The following ERMARD variants were observed in gnomAD, a reference collection of about 807,000 sequenced individuals.
ERMARD encodes ER membrane associated RNA degradation.
Under a neutral mutation model 83.9 loss-of-function variants are expected in ERMARD, and 71 were observed. The ratio of observed to expected loss-of-function variants is 0.85; its 90% confidence interval spans 0.70 to 1.03. ERMARD has a LOEUF of 1.03. Ranked by LOEUF, ERMARD falls within the 50% of genes least tolerant of loss-of-function variation. The pLI is 0.00. For missense variants in ERMARD, 838 were observed against 810.9 expected, an observed-to-expected ratio of 1.03 and a Z score of -0.41; for synonymous variants, 284 against 298.6, an observed-to-expected ratio of 0.95 and a Z score of 0.50.
chr6:169,772,564 G>A (rs557405782), intron 12 of ERMARD, among the ~76,000 whole-genome samples: 4 of 152,104 alleles, frequency 2.6e-5, no homozygotes, highest in African/African-American at 4.8e-5. Context: ...TCAGGAGTTC[G>A]AGACCAGCAT....
chr6:169,760,736 G>A lies in ERMARD; in HGVS notation c.837G>A (p.Leu279=), dbSNP rs776646256. The A allele has an allele frequency of 9.9e-6, 16 of 1,613,500 alleles. No homozygotes were observed. In the Admixed American group the frequency reaches 2.5e-4, roughly 25 times the overall value. The change falls in exon 8 of 18, where the codon CTG becomes CTA. Residue 279 remains leucine, a synonymous_variant. Transcript: ENST00000366773. ...TGTTACCATATTGGGAAGTTGCACT[G>A]GTCAAGTTCAAGTCACACAGGTAAC... is the stretch of plus-strand genomic sequence containing the variant. ...KIMLPYWEVA[L]VKFKSHRFAD...
At position 169,781,325 on chromosome 6, in the gene ERMARD, T is replaced by G; in HGVS notation, c.1854-5T>G. On this transcript the variant is annotated splice_region_variant and splice_polypyrimidine_tract_variant and intron_variant, in intron 17 of 17. Coordinates refer to ENST00000366773, the MANE Select transcript of ERMARD (RefSeq NM_018341.3). ...TGGATAAAGAAATTAATTTTTTTTT[T>G]ACAGGTTTGTAAAGTCGATCTTGCA... The G allele has an allele frequency of 6.3e-7, 1 of 1,584,410 alleles. No individual in the cohort carries two copies.
Position 169,775,318 on chromosome 6 carries a change from C to G in ERMARD, c.1366C>G (p.Pro456Ala). Residue 456 changes from proline to alanine, a missense_variant, in exon 14 of 18, where the codon CCC becomes GCC. Physicochemically the swap from Pro to Ala is conservative, Grantham distance 27. Transcript: ENST00000366773. ...SIRVWALLPF[P>A]EELTRQAVRL... ...CAGGGTTTGGGCTCTGCTGCCTTTCCCCGAAGAACTCACTCGGCAAGCCGT... is the reference window on the plus strand; with the variant it reads ...CAGGGTTTGGGCTCTGCTGCCTTTCGCCGAAGAACTCACTCGGCAAGCCGT... The G allele has an allele frequency of 1.9e-6, 3 of 1,614,176 alleles. No homozygotes were observed. Among genetic ancestry groups the G allele is most frequent in the Non-Finnish European group, 2.5e-6 (3 of 1,180,000 alleles).
chr6:169,768,325 G>T (rs528007394), intron 11 of ERMARD, among the ~76,000 whole-genome samples, 154 bp downstream of exon 11: 1 of 152,338 alleles, frequency 6.6e-6, no homozygotes, highest in African/African-American at 2.4e-5. Context: ...CCAATCAGCT[G>T]ATGTTTGCCA....
At chr6:169,766,563 T>C in intron 9 of ERMARD, 75 bp from the exon 10 acceptor site, 1 of 1,276,412 alleles carries the variant, frequency 7.8e-7, no homozygotes, top group Non-Finnish European at 1.1e-6. Context: ...CCAGAATTTT[T>C]TCTTATTTTG....
At chr6:169,762,197 C>T (rs190739227) in intron 8 of ERMARD, among the ~76,000 whole-genome samples, 341 of 152,102 alleles carry the variant, frequency 2.2e-3, no homozygotes, top group African/African-American at 7.6e-3. Context: ...GCAATCCTCC[C>T]GCCTCAGCCT....
intron 1 of ERMARD, chr6:169,753,033 CA>C (rs1327198917): frequency 6.6e-6 from 1 of 152,186 alleles, no homozygotes; most frequent in African/African-American, 2.4e-5. Flanking sequence ...CCATCTTCAA[CA>C]AAGAACTGTA....
chr6:169,756,601 G>A, intron 4 of ERMARD, 118 bp from the exon 5 acceptor site: 1 of 977,768 alleles, frequency 1.0e-6, no homozygotes, highest in Non-Finnish European at 1.5e-6. Context: ...GAAATCAAAG[G>A]ATTGGTGTCT....
At chr6:169,775,443 G>A (rs1284421364) in intron 14 of ERMARD, 97 bp downstream of exon 14, 3 of 1,363,934 alleles carry the variant, frequency 2.2e-6, no homozygotes, top group Admixed American at 1.9e-5. Context: ...GAAGATAAAA[G>A]GGGAAGGAGG....
intron 10 of ERMARD, chr6:169,767,655 A>G (rs1336416110): frequency 5.5e-6 from 1 of 180,916 alleles, no homozygotes; most frequent in Middle Eastern, 2.5e-3. Flanking sequence ...GCATACACAT[A>G]CTCTAATGTG....
chr6:169,769,247 A>C (rs1562338063), intron 11 of ERMARD, among the ~76,000 whole-genome samples: 1 of 152,194 alleles, frequency 6.6e-6, no homozygotes, highest in African/African-American at 2.4e-5. Context: ...TGCCTTGGAA[A>C]AGCTCATTTG....
chr6:169,756,124 G>A (rs1369292892), intron 3 of ERMARD, among the ~76,000 whole-genome samples: 2 of 152,076 alleles, frequency 1.3e-5, no homozygotes, highest in East Asian at 3.8e-4. Flanking sequence ...TTCAATAAAC[G>A]TTTAAATAAA....
In ERMARD at chr6:169,776,496, C is replaced by T. The variant is rs150260092; in HGVS notation, c.1562C>T (p.Pro521Leu). ...LLRELCSTPV[P>L]TLFCPRIVLE... Reference sequence around the variant, plus strand: ...CGTGAGCTCTGCAGCACACCTGTTCCCACCCTGTTCTGCCCCAGGATTGTG... The same window carrying T: ...CGTGAGCTCTGCAGCACACCTGTTCTCACCCTGTTCTGCCCCAGGATTGTG... The change falls in exon 16 of 18, where the codon CCC (proline) becomes CTC (leucine). Residue 521 changes from proline (P) to leucine (L), a missense_variant. Pro to Leu is a moderately conservative substitution (Grantham distance 98, BLOSUM62 -3). Coordinates refer to ENST00000366773, the MANE Select transcript of ERMARD (RefSeq NM_018341.3). 9.9e-6 allele frequency: 16 copies of T among 1,614,046 alleles called. No homozygotes were observed. The highest frequency in any genetic ancestry group is 1.4e-5 in the Non-Finnish European group (16 of 1,180,046).
chr6:169,764,202 C>A (rs1377000553), intron 9 of ERMARD, among the ~76,000 whole-genome samples: 1 of 152,004 alleles, frequency 6.6e-6, no homozygotes, highest in African/African-American at 2.4e-5. Flanking sequence ...TCTCACGATT[C>A]TTCCTCCTTC....
chr6:169,759,136 A>G, intron 6 of ERMARD, 71 bp downstream of exon 6: 1 of 1,294,462 alleles, frequency 7.7e-7, no homozygotes, highest in Non-Finnish European at 1.1e-6. Flanking sequence ...TTTGAATTTC[A>G]TGAGAAGGAA....
At chr6:169,779,340 C>A in intron 17 of ERMARD, 45 bp downstream of exon 17, 2 of 1,549,496 alleles carry the variant, frequency 1.3e-6, no homozygotes, top group Non-Finnish European at 1.8e-6. Context: ...CATCGTGGGG[C>A]AGATTGCGGG....
rs746522776 is a variant in ERMARD at position 169,759,855 on chromosome 6, T to G, written c.623T>G (p.Ile208Arg). 1.2e-6 allele frequency: 2 copies of G among 1,614,216 alleles called. No individual in the cohort carries two copies. The highest frequency in any genetic ancestry group is 3.3e-5 in the Admixed American group (2 of 60,028). The change falls in exon 7 of 18, where the codon ATA becomes AGA. Residue 208 changes from isoleucine to arginine, a missense_variant. By Grantham distance (97) the Ile-to-Arg change is moderately conservative. Transcript: ENST00000366773. ...TTTCCTAGATACTGTTCAATGATGATACTGTTGACGGCAGGATTGGGTCAG... is the reference window on the plus strand; with the variant it reads ...TTTCCTAGATACTGTTCAATGATGAGACTGTTGACGGCAGGATTGGGTCAG... Reference protein sequence around the residue: ...EIPPKYCSMMILLTAGLGQLL... With the variant: ...EIPPKYCSMMRLLTAGLGQLL...
chr6:169,770,127 A>G (rs1230698238), intron 12 of ERMARD, among the ~76,000 whole-genome samples: 1 of 151,966 alleles, frequency 6.6e-6, no homozygotes, highest in African/African-American at 2.4e-5. Context: ...TGTTATTTAT[A>G]TTTTAATCTT....
chr6:169,755,458 T>C (rs1441410129), intron 3 of ERMARD, 36 bp downstream of exon 3: 1 of 1,612,164 alleles, frequency 6.2e-7, no homozygotes, highest in South Asian at 1.1e-5. Context: ...AATAAAAGAC[T>C]GTGCGAATAC....
Sources: allele counts gnomAD v4.1 joint callset (sites outside exome capture counted in the v4.1 genomes callset), GRCh38; gene constraint gnomAD v4.1.1; transcripts MANE v1.5; gene names NCBI Gene and HGNC (gene_info 2026-07-23, HGNC 2026-07-21).